Variants in DYRK4 observed in about 807,000 individuals in gnomAD.
The protein encoded by DYRK4 is dual specificity tyrosine phosphorylation regulated kinase 4.
DYRK4 carries 64 observed loss-of-function variants against 68.3 expected under a neutral mutation model. That is an observed-to-expected ratio of 0.94 (90% CI 0.77 to 1.15). The LOEUF is 1.15. Among genes scored for constraint, DYRK4 ranks in the 50% most tolerant of loss-of-function variants. The pLI, the probability that DYRK4 is intolerant of heterozygous loss-of-function variation, is 0.00. For missense variants in DYRK4, 740 were observed against 764.7 expected (o/e 0.97, Z 0.38); for synonymous variants, 274 against 289.9 (o/e 0.95, Z 0.56).
intron 2 of DYRK4, among the ~76,000 whole-genome samples, chr12:4,569,633 A>C (rs1944711443): frequency 6.6e-6 from 1 of 152,044 alleles, no homozygotes; most frequent in Non-Finnish European, 1.5e-5. Flanking sequence ...ATTTAAAAAA[A>C]ATTTGAAAGT....
chr12:4,569,330 A>G (rs1944708450), intron 2 of DYRK4, among the ~76,000 whole-genome samples: 1 of 152,260 alleles, frequency 6.6e-6, no homozygotes, highest in African/African-American at 2.4e-5. Context: ...CTAATATAAT[A>G]AAGATGGCAT....
intron 2 of DYRK4, among the ~76,000 whole-genome samples, chr12:4,580,401 G>A (rs2137340810): frequency 6.6e-6 from 1 of 152,272 alleles, no homozygotes; most frequent in Admixed American, 6.5e-5. Flanking sequence ...AGGCATCCTG[G>A]GCTCCCTCAT....
intron 3 of DYRK4, chr12:4,590,093 A>G: frequency 8.1e-7 from 1 of 1,236,008 alleles, no homozygotes. Context: ...GAGCTGTTGA[A>G]AGCCTGCAGC....
chr12:4,592,132 T>C (rs1944963139), intron 5 of DYRK4, among the ~76,000 whole-genome samples: 2 of 152,166 alleles, frequency 1.3e-5, no homozygotes, highest in Admixed American at 6.5e-5. Flanking sequence ...CTCCGGGAAC[T>C]ATGCATGAAG....
intron 13 of DYRK4, among the ~76,000 whole-genome samples, 195 bp from the exon 14 acceptor site, chr12:4,612,348 A>G (rs1945231944): frequency 6.6e-6 from 1 of 152,228 alleles, no homozygotes; most frequent in Non-Finnish European, 1.5e-5. Context: ...TGTTATACAC[A>G]TCTTCTAAAA....
Position 4,591,377 on chromosome 12 carries a change from G to A in DYRK4, c.463+79G>A, listed in dbSNP as rs1414806830. The A allele has an allele frequency of 2.6e-6, 4 of 1,529,960 alleles. No individual in the cohort carries two copies. Among genetic ancestry groups the A allele is most frequent in the Admixed American group, 2.1e-5 (1 of 48,010 alleles). 94.8% of individuals were successfully genotyped at this position (1,529,960 alleles called of 1,614,324 possible). The stretch of plus-strand genomic sequence containing the variant: ...GTTAAGAGCTAAGCTGCGCTGGAGT[G>A]AGCTAAGCTGCCAGGTGTCAGAGTA... On this transcript the variant is annotated intron_variant, in intron 5 of 14. Transcript: ENST00000543431. This position sits in a 1 kb window ranked among gnomAD's most constrained non-coding sequence, Gnocchi z 4.1.
At chr12:4,599,236 C>T in intron 9 of DYRK4, 70 bp downstream of exon 9, 2 of 867,202 alleles carry the variant, frequency 2.3e-6, no homozygotes, top group Non-Finnish European at 3.6e-6. Flanking sequence ...GGCCGTGTAA[C>T]AATCACAAAC....
rs58963826 is a variant in DYRK4 at position 4,605,729 on chromosome 12, GTTTTTTTTTTTT to G, written c.1299+658_1299+669del. On this transcript the variant is annotated intron_variant, in intron 11 of 14. Transcript: ENST00000543431. ...CTCTTAGAAAAATGAATAGAGCTGGGTTTTTTTTTTTTTTTTTTTTTTTTTTCCAAATTAATG... is the reference window on the plus strand; with the variant it reads ...CTCTTAGAAAAATGAATAGAGCTGGGTTTTTTTTTTTTTTCCAAATTAATG... Among the ~76,000 whole-genome samples, 14 of 102,108 alleles carry G rather than the reference GTTTTTTTTTTTT, an allele frequency of 1.4e-4. 1 individual carries two copies. The highest frequency in any genetic ancestry group is 5.1e-4 in the African/African-American group (14 of 27,358). The allele number at this position is 102,108 out of a possible 152,430, so 67.0% of individuals were successfully genotyped here. A position where few individuals can be genotyped will look rare whatever the true frequency, so the allele number is the denominator to read the frequency against.
intron 2 of DYRK4, among the ~76,000 whole-genome samples, chr12:4,573,908 G>A (rs1035299091): frequency 1.3e-5 from 2 of 152,162 alleles, no homozygotes; most frequent in Admixed American, 6.6e-5. Flanking sequence ...TCACCCTTGT[G>A]TGTACCCAAC....
chr12:4,585,137 G>A (rs903450360), intron 2 of DYRK4, among the ~76,000 whole-genome samples: 12 of 152,158 alleles, frequency 7.9e-5, no homozygotes, highest in African/African-American at 2.7e-4. Context: ...CAAGCACAGC[G>A]GGAGACCCCA....
In DYRK4 at chr12:4,591,255, G is replaced by A. The variant is rs1305620419; in HGVS notation, c.420G>A (p.Glu140=). Residue 140 remains glutamate, a synonymous_variant, in exon 5 of 15, where the codon GAG becomes GAA. Transcript: ENST00000543431. This position sits in a 1 kb window ranked among gnomAD's most constrained non-coding sequence, Gnocchi z 4.1. The stretch of plus-strand genomic sequence containing the variant: ...TTAAAACCCAGGATCCCAAGGCAGA[G>A]GAGAAGTCACCAAAGAAGCAAAAGG... The part of the protein sequence containing the change: ...PSIKTQDPKA[E]EKSPKKQKVT... The A allele has an allele frequency of 1.9e-6, 3 of 1,614,146 alleles. No homozygotes were observed. Among genetic ancestry groups the A allele is most frequent in the Non-Finnish European group, 2.5e-6 (3 of 1,179,996 alleles).
In DYRK4 at chr12:4,613,656, C is replaced by T. The variant is rs199555716; in HGVS notation, c.1808C>T (p.Ser603Leu). Residue 603 changes from serine to leucine, a missense_variant, in exon 15 of 15, where the codon TCA becomes TTA. Coordinates refer to ENST00000543431, the MANE Select transcript of DYRK4 (RefSeq NM_001394779.1). The surrounding 1 kb of genome is among the most constrained non-coding windows in gnomAD (Gnocchi z 4.0). ...CAACTGGTAGACGCTCCCAAGAAGTCAGAGGCAGCTGTCGGGGCGGAGGTG... is the reference window on the plus strand; with the variant it reads ...CAACTGGTAGACGCTCCCAAGAAGTTAGAGGCAGCTGTCGGGGCGGAGGTG... ...LPQLVDAPKK[S>L]EAAVGAEVSM... 201 of 1,613,642 alleles carry T rather than the reference C, an allele frequency of 1.2e-4. No homozygotes were observed. Among genetic ancestry groups the T allele is most frequent in the Non-Finnish European group, 1.4e-4 (161 of 1,179,572 alleles).
intron 13 of DYRK4, among the ~76,000 whole-genome samples, chr12:4,611,858 A>T (rs1945225626): frequency 6.6e-6 from 1 of 152,228 alleles, no homozygotes; most frequent in Admixed American, 6.5e-5. Flanking sequence ...TGAACCATAA[A>T]ATTAGGATAG....
chr12:4,603,488 C>A, intron 10 of DYRK4: 1 of 271,962 alleles, frequency 3.7e-6, no homozygotes, highest in Admixed American at 4.8e-5. Context: ...CTGTTTCCCT[C>A]CTGTCTGTGT....
chr12:4,599,651 T>C (rs1401182292), intron 9 of DYRK4, 56 bp from the exon 10 acceptor site: 1 of 1,371,074 alleles, frequency 7.3e-7, no homozygotes, highest in Non-Finnish European at 1.0e-6. Context: ...TTTAGGTAAG[T>C]AGAGGGCCTA....
rs541540418 is a variant in DYRK4 at position 4,568,044 on chromosome 12, C to G, written c.128C>G (p.Ala43Gly). The G allele has an allele frequency of 2.0e-6, 3 of 1,535,914 alleles. No homozygotes were observed. The highest frequency in any genetic ancestry group is 2.7e-5 in the African/African-American group (2 of 73,148). The change falls in exon 2 of 15, where the codon GCG (alanine) becomes GGG (glycine). Residue 43 changes from alanine (A) to glycine (G), a missense_variant. Physicochemically the swap from Ala to Gly is moderately conservative, Grantham distance 60. Coordinates refer to ENST00000543431, the MANE Select transcript of DYRK4 (RefSeq NM_001394779.1). ...AGAAAGAAACAAAAGTTCACCTCTG[C>G]GAAGGTAAAGATCCTTGAATTTTCA... ...KARKKQKFTS[A>G]KVGSKLSVQI...
chr12:4,599,272 T>TAA, intron 9 of DYRK4, 106 bp downstream of exon 9: 1 of 500,332 alleles, frequency 2.0e-6, no homozygotes, highest in Non-Finnish European at 2.8e-6. Context: ...GCCTTTGACT[T>TAA]TTTTTTTTTT....
intron 10 of DYRK4, 57 bp from the exon 11 acceptor site, chr12:4,604,857 G>C: frequency 6.7e-7 from 1 of 1,493,710 alleles, no homozygotes; most frequent in Non-Finnish European, 9.0e-7. Context: ...CTGGGGGAGA[G>C]CGTTCTGGAG....
Position 4,582,791 on chromosome 12 carries a change from C to T in DYRK4, c.133-6146C>T, listed in dbSNP as rs116500926. 8.7e-3 allele frequency among the ~76,000 whole-genome samples: 1,320 copies of T among 152,226 alleles called. 13 individuals are homozygous for T. The highest frequency in any genetic ancestry group is 0.03 in the African/African-American group (1,249 of 41,538). On this transcript the variant is annotated intron_variant, in intron 2 of 14. Coordinates refer to ENST00000543431, the MANE Select transcript of DYRK4 (RefSeq NM_001394779.1). ...GGAACAGTGCGGTGTTTGAAAATGG[C>T]AAGACTTGCAGTGGCAGGAGCCAAA...
Sources: allele counts gnomAD v4.1 joint callset (sites outside exome capture counted in the v4.1 genomes callset), GRCh38; gene constraint gnomAD v4.1.1; non-coding constraint Gnocchi (gnomAD v3.1); transcripts MANE v1.5; gene names NCBI Gene and HGNC (gene_info 2026-07-23, HGNC 2026-07-21).